Variants in UGT2B4 observed in about 807,000 individuals in gnomAD.
UGT2B4 encodes UDP-glucuronosyltransferase 2B4.
In UGT2B4, 49 loss-of-function variants were observed where a neutral mutation model predicts 49.8. That is an observed-to-expected ratio of 0.98 (90% CI 0.78 to 1.25). The LOEUF (loss-of-function observed/expected upper bound fraction) is 1.25. Ranked by LOEUF, UGT2B4 falls within the 50% of genes most tolerant of loss-of-function variation. The pLI, the probability that UGT2B4 is intolerant of heterozygous loss-of-function variation, is 0.00. For synonymous variants in UGT2B4, 246 were observed against 217.7 expected, an observed-to-expected ratio of 1.13 and a Z score of -1.14; for missense variants, 729 against 627.7, an observed-to-expected ratio of 1.16 and a Z score of -1.73.
At chr4:69,516,602 G>T (rs1728739312) in intron 1 of UGT2B4, among the ~76,000 whole-genome samples, 1 of 151,838 alleles carries the variant, frequency 6.6e-6, no homozygotes. Flanking sequence ...ACATTTCATT[G>T]TTATTTATGT....
At chr4:69,521,803 T>A (rs963479745) in intron 1 of UGT2B4, among the ~76,000 whole-genome samples, 5 of 152,210 alleles carry the variant, frequency 3.3e-5, no homozygotes, top group African/African-American at 1.2e-4. Context: ...TAATTTGTTA[T>A]ATGAAGGTAG....
chr4:69,489,168 A>G (rs941575934), intron 3 of UGT2B4, among the ~76,000 whole-genome samples: 1 of 152,140 alleles, frequency 6.6e-6, no homozygotes, highest in Non-Finnish European at 1.5e-5. Flanking sequence ...TGACCCCAGT[A>G]TCATGATAAT....
chr4:69,523,088 T>A (rs992834594), intron 1 of UGT2B4, among the ~76,000 whole-genome samples: 1 of 152,174 alleles, frequency 6.6e-6, no homozygotes, highest in Non-Finnish European at 1.5e-5. Flanking sequence ...CAGTTGTTTC[T>A]TTAACTGAAG....
upstream of UGT2B4, chr4:69,495,972 A>T: frequency 6.8e-7 from 1 of 1,466,622 alleles, no homozygotes; most frequent in Non-Finnish European, 9.1e-7. Context: ...TTACACTTCA[A>T]AGTAAATACA....
At chr4:69,522,302 C>G (rs1023753779) in intron 1 of UGT2B4, among the ~76,000 whole-genome samples, 2 of 152,140 alleles carry the variant, frequency 1.3e-5, no homozygotes, top group East Asian at 1.9e-4. Flanking sequence ...AAGAATAATA[C>G]GAATTATCAA....
intron 1 of UGT2B4, among the ~76,000 whole-genome samples, chr4:69,502,976 T>C (rs1029042802): frequency 7.3e-5 from 1 of 13,678 alleles, no homozygotes; most frequent in Non-Finnish European, 2.3e-3. Flanking sequence ...GACCAGCACC[T>C]CTCTGGGGGG....
chr4:69,515,630 C>G (rs192673849), intron 1 of UGT2B4, among the ~76,000 whole-genome samples: 1 of 152,052 alleles, frequency 6.6e-6, no homozygotes. Flanking sequence ...AACCCCAAAG[C>G]TAGATAAAGA....
intron 1 of UGT2B4, among the ~76,000 whole-genome samples, chr4:69,494,380 T>C (rs910242557): frequency 3.3e-5 from 5 of 152,158 alleles, no homozygotes; most frequent in African/African-American, 7.2e-5. Flanking sequence ...ATAATATTAG[T>C]TTTTAGGTAA....
At chr4:69,516,416 C>G (rs997994826) in intron 1 of UGT2B4, among the ~76,000 whole-genome samples, 14 of 152,304 alleles carry the variant, frequency 9.2e-5, no homozygotes, top group Non-Finnish European at 1.8e-4. Context: ...TCACTGTCTT[C>G]CACAAGAGTT....
In UGT2B4 at chr4:69,480,556, G is replaced by A; in HGVS notation, c.*78C>T. The A allele has an allele frequency of 6.6e-7, 1 of 1,523,888 alleles. No homozygotes were observed. The highest frequency in any genetic ancestry group is 8.8e-7 in the Non-Finnish European group (1 of 1,135,388). The allele number at this position is 1,523,888 out of a possible 1,614,324, so 94.4% of individuals were successfully genotyped here. A position where few individuals can be genotyped will look rare whatever the true frequency, so the allele number is the denominator to read the frequency against. ...TGTCACAAGAAGAAAGGAATCTCTT[G>A]TATCACAACGTCTTCTTGTTGTAAT... On this transcript the variant is annotated 3_prime_UTR_variant, in exon 6 of 6. Coordinates refer to ENST00000305107, the MANE Select transcript of UGT2B4 (RefSeq NM_021139.3).
In UGT2B4 at chr4:69,495,460, C is replaced by G. The variant is rs1728127884; in HGVS notation, c.402G>C (p.Lys134Asn). 2 of 1,613,040 alleles carry G rather than the reference C, an allele frequency of 1.2e-6. No homozygotes were observed. The highest frequency in any genetic ancestry group is 1.3e-5 in the African/African-American group (1 of 74,922). Reference sequence around the variant, plus strand: ...ACTCCTGTAGTTTCTTCATAAGTTTCTTATTTGAAACTATATCCTTACAGA... The same window carrying G: ...ACTCCTGTAGTTTCTTCATAAGTTTGTTATTTGAAACTATATCCTTACAGA... ...RKFCKDIVSN[K>N]KLMKKLQESR... Residue 134 changes from lysine to asparagine, a missense_variant, in exon 1 of 6, where the codon AAG becomes AAC. Coordinates refer to ENST00000305107, the MANE Select transcript of UGT2B4 (RefSeq NM_021139.3).
chr4:69,482,557 T>G (rs1727624778), intron 5 of UGT2B4, among the ~76,000 whole-genome samples: 1 of 152,194 alleles, frequency 6.6e-6, no homozygotes, highest in Admixed American at 6.6e-5. Context: ...AAGGTCATAC[T>G]TCAGCTTTAC....
At chr4:69,517,440 T>C (rs968661357) in intron 1 of UGT2B4, among the ~76,000 whole-genome samples, 1 of 152,122 alleles carries the variant, frequency 6.6e-6, no homozygotes, top group Non-Finnish European at 1.5e-5. Flanking sequence ...GTAGGCTAAT[T>C]AAAGAAAGAA....
intron 1 of UGT2B4, among the ~76,000 whole-genome samples, chr4:69,519,609 T>G (rs958899099): frequency 2.0e-5 from 3 of 152,188 alleles, no homozygotes; most frequent in Non-Finnish European, 4.4e-5. Context: ...TATTCCTAAA[T>G]AAGACAGCTA....
intron 5 of UGT2B4, among the ~76,000 whole-genome samples, chr4:69,483,439 T>A (rs1039007): frequency 0.45 from 67,590 of 151,700 alleles, 15,287 homozygotes; most frequent in South Asian, 0.62. Flanking sequence ...TGTTCTTCAG[T>A]TGTTTTATGT....
intron 1 of UGT2B4, among the ~76,000 whole-genome samples, chr4:69,509,646 A>G (rs1728558358): frequency 6.6e-6 from 1 of 152,126 alleles, no homozygotes; most frequent in Non-Finnish European, 1.5e-5. Context: ...ACTTCCTTGG[A>G]GAAATGTTTT....
intron 1 of UGT2B4, among the ~76,000 whole-genome samples, chr4:69,522,678 A>C (rs1224040619): frequency 6.6e-6 from 1 of 152,176 alleles, no homozygotes; most frequent in East Asian, 1.9e-4. Flanking sequence ...AGTGGTTTCT[A>C]AAGATTGAGA....
chr4:69,524,140 T>C (rs1319692209), intron 1 of UGT2B4, among the ~76,000 whole-genome samples: 2 of 152,290 alleles, frequency 1.3e-5, no homozygotes, highest in South Asian at 4.1e-4. Context: ...TTGCCATTTG[T>C]ACATTCACTG....
At chr4:69,484,751 C>T (rs556041473) in intron 5 of UGT2B4, among the ~76,000 whole-genome samples, 23 of 151,998 alleles carry the variant, frequency 1.5e-4, no homozygotes, top group African/African-American at 5.1e-4. Flanking sequence ...GGATTTTATA[C>T]TTAAATAGGT....
Sources: allele counts gnomAD v4.1 joint callset (sites outside exome capture counted in the v4.1 genomes callset), GRCh38; gene constraint gnomAD v4.1.1; transcripts MANE v1.5; gene names NCBI Gene and HGNC (gene_info 2026-07-23, HGNC 2026-07-21).